The following ZNF703 variants were observed in gnomAD, a reference collection of about 807,000 sequenced individuals.
The protein encoded by ZNF703 is zinc finger protein 703.
ZNF703 carries 18 observed loss-of-function variants against 30.7 expected under a neutral mutation model. The observed-to-expected ratio is 0.59, with a 90% confidence interval of 0.40 to 0.87. The LOEUF (loss-of-function observed/expected upper bound fraction) is 0.87, where lower values mean the gene tolerates loss of function less well. ZNF703 is among the 40% of genes least tolerant of loss of function. The pLI, the probability that ZNF703 is intolerant of heterozygous loss-of-function variation, is 0.00. For missense variants in ZNF703, 814 were observed against 847.8 expected, an observed-to-expected ratio of 0.96 and a Z score of 0.50; for synonymous variants, 457 against 438.6, an observed-to-expected ratio of 1.04 and a Z score of -0.52.
At chr8:37,697,084 C>A in intron 1 of ZNF703, 61 bp from the exon 2 acceptor site, 4 of 1,427,542 alleles carry the variant, frequency 2.8e-6, no homozygotes, top group Non-Finnish European at 1.8e-6. Context: ...GGCGCCCCCG[C>A]TCGCCCCGCA....
In ZNF703 at chr8:37,698,980, T is replaced by C. The variant is rs1207195921; in HGVS notation, c.*306T>C. ...CCTGTTCCTTTCTGTTATTTTTTCTTAGATATAAGTTTTACATTTTTTATT... is the reference window on the plus strand; with the variant it reads ...CCTGTTCCTTTCTGTTATTTTTTCTCAGATATAAGTTTTACATTTTTTATT... On this transcript the variant is annotated 3_prime_UTR_variant, in exon 2 of 2. Transcript: ENST00000331569. 1.6e-4 allele frequency: 49 copies of C among 304,564 alleles called. No individual in the cohort carries two copies. In the East Asian group the frequency reaches 2.6e-3, roughly 16 times the overall value. The allele number at this position is 304,564 out of a possible 1,614,324, so 18.9% of individuals were successfully genotyped here. A position where few individuals can be genotyped will look rare whatever the true frequency, so the allele number is the denominator to read the frequency against.
rs373900482 is a variant in ZNF703, at chr8:37,696,089, C to T, written c.110C>T (p.Pro37Leu). The change falls in exon 1 of 2, where the codon CCA becomes CTA. Residue 37 changes from proline (P) to leucine (L), a missense_variant. Transcript: ENST00000331569. This position sits in a 1 kb window ranked among gnomAD's most constrained non-coding sequence, Gnocchi z 8.2. ...GTGCCGGCAGCGGTGTCCCTCTTGC[C>T]ACCGGCGGACCCCCTGCGCCAGGCG... ...PAVPAAVSLL[P>L]PADPLRQANR... 7.6e-6 allele frequency: 12 copies of T among 1,586,436 alleles called. No individual in the cohort carries two copies. The African/African-American group carries it at 1.2e-4, about 16-fold the overall frequency.
In ZNF703 at chr8:37,697,386, G is replaced by C; in HGVS notation, c.485G>C (p.Gly162Ala). The change falls in exon 2 of 2, where the codon GGC (glycine) becomes GCC (alanine). Residue 162 changes from glycine (G) to alanine (A), a missense_variant. Transcript: ENST00000331569. ...SSFKPYSKGS[G>A]GGDSRKDSGS... is the part of the protein sequence containing the mutation. Reference sequence around the variant, plus strand: ...TTCAAGCCCTACTCCAAGGGCTCCGGCGGCGGCGACTCCCGCAAAGACAGC... The same window carrying C: ...TTCAAGCCCTACTCCAAGGGCTCCGCCGGCGGCGACTCCCGCAAAGACAGC... 1 of 1,554,246 alleles carries C rather than the reference G, an allele frequency of 6.4e-7. No individual in the cohort carries two copies. The highest frequency in any genetic ancestry group is 1.2e-5 in the South Asian group (1 of 83,986).
Position 37,696,116 on chromosome 8 carries a change from A to T in ZNF703, c.137A>T (p.Asn46Ile). 6.2e-7 allele frequency: 1 copy of T among 1,608,790 alleles called. No individual in the cohort carries two copies. The highest frequency in any genetic ancestry group is 1.1e-5 in the South Asian group (1 of 90,460). The change falls in exon 1 of 2, where the codon AAC (asparagine) becomes ATC (isoleucine). Residue 46 changes from asparagine (N) to isoleucine (I), a missense_variant. Physicochemically the swap from Asn to Ile is moderately radical, Grantham distance 149. Transcript: ENST00000331569. This position sits in a 1 kb window ranked among gnomAD's most constrained non-coding sequence, Gnocchi z 8.2. Reference protein sequence around the residue: ...LPPADPLRQANRLPIRVLKML... With the variant: ...LPPADPLRQAIRLPIRVLKML... The stretch of plus-strand genomic sequence containing the variant: ...CCGGCGGACCCCCTGCGCCAGGCGA[A>T]CCGGCTCCCGATCAGGGTCCTGAAG...
chr8:37,697,342 G>A lies in ZNF703; in HGVS notation c.441G>A (p.Pro147=). Residue 147 remains proline (P), a synonymous_variant, in exon 2 of 2, where the codon CCG becomes CCA. Transcript: ENST00000331569. ...CCCTGAAGCAGCTGGGGGACTCACC[G>A]GCCGAGGACAAGTCCAGCTTCAAGC... ...AAALKQLGDS[P]AEDKSSFKPY... 6.4e-7 allele frequency: 1 copy of A among 1,558,896 alleles called. No homozygotes were observed. Among genetic ancestry groups the A allele is most frequent in the Non-Finnish European group, 8.7e-7 (1 of 1,153,542 alleles).
chr8:37,697,413 G>GCTCCTCCTCGGTGTCTTCCAC lies in ZNF703; in HGVS notation c.523_543dup (p.Val175_Ser181dup). 1 of 1,550,832 alleles carries GCTCCTCCTCGGTGTCTTCCAC rather than the reference G, an allele frequency of 6.4e-7. No individual in the cohort carries two copies. On this transcript the variant is annotated inframe_insertion, in exon 2 of 2. Transcript: ENST00000331569. ...GGCGGCGACTCCCGCAAAGACAGCG[G>GCTCCTCCTCGGTGTCTTCCAC]CTCCTCCTCGGTGTCTTCCACCTCC...
rs1212830532 is a variant in ZNF703 at position 37,697,964 on chromosome 8, G to A, written c.1063G>A (p.Gly355Ser). The A allele has an allele frequency of 1.9e-6, 3 of 1,554,792 alleles. No homozygotes were observed. Among genetic ancestry groups the A allele is most frequent in the East Asian group, 2.4e-5 (1 of 42,492 alleles). The change falls in exon 2 of 2, where the codon GGC becomes AGC. Residue 355 changes from glycine to serine, a missense_variant. By Grantham distance (56) the Gly-to-Ser change is moderately conservative. Transcript: ENST00000331569. Reference sequence around the variant, plus strand: ...GTCTGGGGGCCTGGGCCTGCCGCCGGGCAAGCCCCCCAGCTCCAGCCCGCT... The same window carrying A: ...GTCTGGGGGCCTGGGCCTGCCGCCGAGCAAGCCCCCCAGCTCCAGCCCGCT... ...QLSGGLGLPP[G>S]KPPSSSPLTG...
rs1186010614 is a variant in ZNF703 at position 37,697,459 on chromosome 8, G to A, written c.558G>A (p.Pro186=). The change falls in exon 2 of 2, where the codon CCG becomes CCA. Residue 186 remains proline (P), a synonymous_variant. Transcript: ENST00000331569. ...SSTSSSSSSS[P]GDKAGFRVPS... ...CCTCCTCCTCGTCCTCCTCGTCCCC[G>A]GGAGACAAGGCGGGCTTCAGGGTCC... The A allele has an allele frequency of 2.6e-6, 4 of 1,540,028 alleles. No individual in the cohort carries two copies. Among genetic ancestry groups the A allele is most frequent in the African/African-American group, 2.8e-5 (2 of 71,760 alleles).
Position 37,695,824 on chromosome 8 carries a change from C to A in ZNF703, c.-156C>A. On this transcript the variant is annotated 5_prime_UTR_variant, in exon 1 of 2. Transcript: ENST00000331569. ...CCGGGGCCAGCGGCGGTGGCGGCGG[C>A]GGCGGAGGCGTCGGTGGAGGAGGGG... 1 of 622,464 alleles carries A rather than the reference C, an allele frequency of 1.6e-6. No individual in the cohort carries two copies. The highest frequency in any genetic ancestry group is 2.5e-6 in the Non-Finnish European group (1 of 405,894). The allele number at this position is 622,464 out of a possible 1,614,324, so 38.6% of individuals were successfully genotyped here. A position where few individuals can be genotyped will look rare whatever the true frequency, so the allele number is the denominator to read the frequency against.
rs1252407344 is a variant in ZNF703, at chr8:37,696,405, C to T, written c.243+183C>T. ...GCCCACCAGGGCTTCCCCAGGCTTC[C>T]CCGTGGAAGGGTCTCCTTCCACGCT... is the stretch of plus-strand genomic sequence containing the variant. On this transcript the variant is annotated intron_variant, in intron 1 of 1. Coordinates refer to ENST00000331569, the MANE Select transcript of ZNF703 (RefSeq NM_025069.3). This position sits in a 1 kb window ranked among gnomAD's most constrained non-coding sequence, Gnocchi z 8.2. Among the ~76,000 whole-genome samples, 2 of 152,080 alleles carry T rather than the reference C, an allele frequency of 1.3e-5. No homozygotes were observed. Among genetic ancestry groups the T allele is most frequent in the Non-Finnish European group, 2.9e-5 (2 of 67,996 alleles).
In ZNF703 at chr8:37,698,269, C is replaced by T. The variant is rs1236996745; in HGVS notation, c.1368C>T (p.His456=). The change falls in exon 2 of 2, where the codon CAC becomes CAT. Residue 456 remains histidine, a synonymous_variant. Coordinates refer to ENST00000331569, the MANE Select transcript of ZNF703 (RefSeq NM_025069.3). Reference sequence around the variant, plus strand: ...TGCTGCAGAACGAACCGCTGCCGCACAGCTGCAACTGGGTGGCAGCCAGTG... The same window carrying T: ...TGCTGCAGAACGAACCGCTGCCGCATAGCTGCAACTGGGTGGCAGCCAGTG... ...GFMLQNEPLP[H]SCNWVAASGP... is the part of the protein sequence containing the mutation. The T allele has an allele frequency of 6.5e-7, 1 of 1,539,884 alleles. No homozygotes were observed. Among genetic ancestry groups the T allele is most frequent in the African/African-American group, 1.4e-5 (1 of 72,214 alleles).
chr8:37,697,292 C>T lies in ZNF703; in HGVS notation c.391C>T (p.Pro131Ser). The T allele has an allele frequency of 6.4e-7, 1 of 1,568,096 alleles. No individual in the cohort carries two copies. Among genetic ancestry groups the T allele is most frequent in the Non-Finnish European group, 8.6e-7 (1 of 1,159,184 alleles). ...GAEKDPGRSA[P>S]GAASAAAALK... Reference sequence around the variant, plus strand: ...GGAGAAGGACCCCGGCCGCTCAGCCCCGGGCGCCGCCTCCGCAGCCGCGGC... The same window carrying T: ...GGAGAAGGACCCCGGCCGCTCAGCCTCGGGCGCCGCCTCCGCAGCCGCGGC... The change falls in exon 2 of 2, where the codon CCG (proline) becomes TCG (serine). Residue 131 changes from proline (P) to serine (S), a missense_variant. By Grantham distance (74) the Pro-to-Ser change is moderately conservative. Transcript: ENST00000331569.
Position 37,698,579 on chromosome 8 carries a change from G to A in ZNF703, c.1678G>A (p.Ala560Thr). Residue 560 changes from alanine (A) to threonine (T), a missense_variant, in exon 2 of 2, where the codon GCC becomes ACC. By Grantham distance (58) the Ala-to-Thr change is moderately conservative. Coordinates refer to ENST00000331569, the MANE Select transcript of ZNF703 (RefSeq NM_025069.3). Reference protein sequence around the residue: ...KSHLSTAGGLAVPSLPTAGPY... With the variant: ...KSHLSTAGGLTVPSLPTAGPY... ...CCACTTATCCACAGCGGGGGGCCTG[G>A]CCGTGCCGTCCCTCCCCACAGCCGG... The A allele has an allele frequency of 6.4e-7, 1 of 1,568,328 alleles. No homozygotes were observed. The highest frequency in any genetic ancestry group is 8.6e-7 in the Non-Finnish European group (1 of 1,160,202).
rs568050040 is a variant in ZNF703 at position 37,698,415 on chromosome 8, G to GCGC, written c.1540_1542dup (p.Ala514dup). On this transcript the variant is annotated inframe_insertion, in exon 2 of 2. Transcript: ENST00000331569. ...TACCCCGGGGCCTCGGGCCTGGGCA[G>GCGC]CGCCGCCGCCGCCGCCGCCGCCGCC... The GCGC allele has an allele frequency of 7.4e-4, 1,093 of 1,483,728 alleles. 1 individual carries two copies. The highest frequency in any genetic ancestry group is 2.7e-3 in the African/African-American group (184 of 67,752). The allele number at this position is 1,483,728 out of a possible 1,614,324, so 91.9% of individuals were successfully genotyped here. A position where few individuals can be genotyped will look rare whatever the true frequency, so the allele number is the denominator to read the frequency against.
chr8:37,696,319 C>T lies in ZNF703; in HGVS notation c.243+97C>T. On this transcript the variant is annotated intron_variant, in intron 1 of 1. Coordinates refer to ENST00000331569, the MANE Select transcript of ZNF703 (RefSeq NM_025069.3). The surrounding 1 kb of genome is among the most constrained non-coding windows in gnomAD (Gnocchi z 8.2). ...CCCAGCGCCCCGGGGCTCGGTGCGA[C>T]ACCCAAGTCTGGTCACGCTGGCGGG... The T allele has an allele frequency of 2.1e-6, 3 of 1,450,032 alleles. No homozygotes were observed. Among genetic ancestry groups the T allele is most frequent in the Non-Finnish European group, 2.7e-6 (3 of 1,098,584 alleles). The allele number at this position is 1,450,032 out of a possible 1,614,324, so 89.8% of individuals were successfully genotyped here. A position where few individuals can be genotyped will look rare whatever the true frequency, so the allele number is the denominator to read the frequency against.
In ZNF703 at chr8:37,697,204, G is replaced by A; in HGVS notation, c.303G>A (p.Lys101=). 1 of 1,595,206 alleles carries A rather than the reference G, an allele frequency of 6.3e-7. No homozygotes were observed. The highest frequency in any genetic ancestry group is 8.5e-7 in the Non-Finnish European group (1 of 1,173,450). ...CTCAGACCTGCTCGCAGATCGGCAA[G>A]CCGGACCCGCCGCCCTCCTCCAAAC... ...LLAQTCSQIG[K]PDPPPSSKLN... The change falls in exon 2 of 2, where the codon AAG becomes AAA. Residue 101 remains lysine, a synonymous_variant. Transcript: ENST00000331569.
chr8:37,698,772 G>C lies in ZNF703; in HGVS notation c.*98G>C. 9.2e-7 allele frequency: 1 copy of C among 1,091,334 alleles called. No homozygotes were observed. The highest frequency in any genetic ancestry group is 1.2e-6 in the Non-Finnish European group (1 of 837,404). The allele number at this position is 1,091,334 out of a possible 1,614,324, so 67.6% of individuals were successfully genotyped here. A position where few individuals can be genotyped will look rare whatever the true frequency, so the allele number is the denominator to read the frequency against. On this transcript the variant is annotated 3_prime_UTR_variant, in exon 2 of 2. Transcript: ENST00000331569. Reference sequence around the variant, plus strand: ...GCCGCTGCAACCTCCACTACTGCTTGACCCTGCCGGGATTCCCCACCCAGC... The same window carrying C: ...GCCGCTGCAACCTCCACTACTGCTTCACCCTGCCGGGATTCCCCACCCAGC...
Position 37,696,313 on chromosome 8 carries a change from G to T in ZNF703, c.243+91G>T. On this transcript the variant is annotated intron_variant, in intron 1 of 1. Transcript: ENST00000331569. The surrounding 1 kb of genome is among the most constrained non-coding windows in gnomAD (Gnocchi z 8.2). ...CCAGCTCCCAGCGCCCCGGGGCTCG[G>T]TGCGACACCCAAGTCTGGTCACGCT... is the stretch of plus-strand genomic sequence containing the variant. The T allele has an allele frequency of 2.0e-6, 3 of 1,463,624 alleles. No homozygotes were observed. Among genetic ancestry groups the T allele is most frequent in the Non-Finnish European group, 1.8e-6 (2 of 1,106,082 alleles). 90.7% of individuals were successfully genotyped at this position (1,463,624 alleles called of 1,614,324 possible). A position where few individuals can be genotyped will look rare whatever the true frequency, so the allele number is the denominator to read the frequency against.
Position 37,696,460 on chromosome 8 carries a change from G to A in ZNF703, c.243+238G>A, listed in dbSNP as rs949239978. On this transcript the variant is annotated intron_variant, in intron 1 of 1. Transcript: ENST00000331569. This position sits in a 1 kb window ranked among gnomAD's most constrained non-coding sequence, Gnocchi z 8.2. ...CTTCGGAGCTCCGTGTTTTCTCTCG[G>A]ATTGGATTTGCTCCTGGAGTCCCCT... Among the ~76,000 whole-genome samples, 2 of 152,104 alleles carry A rather than the reference G, an allele frequency of 1.3e-5. No individual in the cohort carries two copies. Among genetic ancestry groups the A allele is most frequent in the Non-Finnish European group, 2.9e-5 (2 of 68,012 alleles).
Sources: gnomAD v4.1 joint callset for allele counts (sites outside exome capture counted in the v4.1 genomes callset) on GRCh38, gnomAD v4.1.1 for gene constraint, Gnocchi (gnomAD v3.1) non-coding constraint, MANE v1.5 for transcripts, NCBI Gene and HGNC (gene_info 2026-07-23, HGNC 2026-07-21) for gene names.